The following LRP2 variants were observed in gnomAD, a reference collection of about 807,000 sequenced individuals.
LRP2 encodes the protein low-density lipoprotein receptor-related protein 2.
Under a neutral mutation model 531.0 loss-of-function variants are expected in LRP2, and 172 were observed. The observed-to-expected ratio is 0.32, with a 90% CI of 0.29 to 0.37. The LOEUF (loss-of-function observed/expected upper bound fraction) is 0.37, where lower values mean the gene tolerates loss of function less well. Among genes scored for constraint, LRP2 ranks in the 10% least tolerant of loss-of-function variants. LRP2 has a pLI of 1.00. For synonymous variants in LRP2, 1,992 were observed against 2,027.6 expected (o/e 0.98, Z 0.47); for missense variants, 5,167 against 5,868.3 (o/e 0.88, Z 3.90).
At chr2:169,257,343 G>A (rs972551806) in intron 17 of LRP2, 94 bp from the exon 18 acceptor site, 3 of 1,316,534 alleles carry the variant, frequency 2.3e-6, no homozygotes, top group Admixed American at 1.7e-5. Flanking sequence ...TCCAGATACT[G>A]CAATTAATTT....
At chr2:169,187,776 G>T (rs1413955239) in intron 49 of LRP2, among the ~76,000 whole-genome samples, 194 bp downstream of exon 49, 1 of 152,142 alleles carries the variant, frequency 6.6e-6, no homozygotes, top group African/African-American at 2.4e-5. Flanking sequence ...TCTAAGCAAA[G>T]AATTGGTCCA....
chr2:169,284,981 C>A (rs1035619794), intron 9 of LRP2, among the ~76,000 whole-genome samples: 2 of 152,088 alleles, frequency 1.3e-5, no homozygotes, highest in Non-Finnish European at 1.5e-5. Context: ...CACAAATGCC[C>A]TTCCTATCAC....
intron 62 of LRP2, among the ~76,000 whole-genome samples, chr2:169,164,871 A>G (rs936266370): frequency 6.6e-6 from 1 of 152,198 alleles, no homozygotes. Flanking sequence ...TTTTTAAAAA[A>G]TGGCATTTTT....
chr2:169,235,552 T>C (rs1689575785), intron 29 of LRP2, among the ~76,000 whole-genome samples: 2 of 152,158 alleles, frequency 1.3e-5, no homozygotes, highest in African/African-American at 4.8e-5. Context: ...TGACACAATT[T>C]TTAAAGGTAT....
chr2:169,193,938 TC>T, intron 46 of LRP2, 46 bp from the exon 47 acceptor site: 1 of 1,612,828 alleles, frequency 6.2e-7, no homozygotes, highest in Non-Finnish European at 8.5e-7. Flanking sequence ...TGGTTTACAG[TC>T]CAGGAATCTG....
intron 61 of LRP2, among the ~76,000 whole-genome samples, chr2:169,168,048 C>CATAT (rs1553488737): frequency 2.8e-5 from 1 of 35,610 alleles, no homozygotes; most frequent in African/African-American, 9.2e-5. Flanking sequence ...TATATATATG[C>CATAT]ATCATTCAGC....
rs1689673903 is a variant in LRP2 at position 169,238,171 on chromosome 2, T to C, written c.4426A>G (p.Ile1476Val). The C allele has an allele frequency of 1.2e-6, 2 of 1,614,042 alleles. No homozygotes were observed. The highest frequency in any genetic ancestry group is 8.5e-7 in the Non-Finnish European group (1 of 1,180,018). ...SYIVAVDFDS[I>V]SGRIFWSDAT... ...TCAGACCAAAAGATACGACCACTAA[T>C]TGAATCAAAATCAACAGCTACAATG... is the stretch of plus-strand genomic sequence containing the variant. Residue 1476 changes from isoleucine (I) to valine (V), a missense_variant, in exon 27 of 79, where the codon ATT becomes GTT. Physicochemically the swap from Ile to Val is conservative, Grantham distance 29 (BLOSUM62 3). This residue lies in a region of LRP2 where 2,811 missense variants were observed against 3,058.0 expected (regional missense o/e 0.92). Coordinates refer to ENST00000649046, the MANE Select transcript of LRP2 (RefSeq NM_004525.3).
chr2:169,238,033 C>A (rs1689668546), intron 27 of LRP2, 58 bp downstream of exon 27: 2 of 1,473,210 alleles, frequency 1.4e-6, no homozygotes, highest in African/African-American at 2.8e-5. Context: ...TGAATAACAG[C>A]AAACAGACCC....
intron 31 of LRP2, among the ~76,000 whole-genome samples, chr2:169,231,470 G>C (rs574163034): frequency 1.4e-4 from 21 of 152,194 alleles, no homozygotes; most frequent in African/African-American, 4.8e-4. Context: ...CCAGGTGAGA[G>C]AAAATATGAG....
chr2:169,133,512 G>A (rs780799777), intron 76 of LRP2, among the ~76,000 whole-genome samples: 25 of 152,108 alleles, frequency 1.6e-4, no homozygotes, highest in Non-Finnish European at 3.1e-4. Context: ...AAACATTTCC[G>A]ATCTTAAAAT....
chr2:169,312,778 G>T (rs1006151317), intron 3 of LRP2, among the ~76,000 whole-genome samples: 2 of 152,114 alleles, frequency 1.3e-5, no homozygotes, highest in Admixed American at 1.3e-4. Context: ...AGTTCTCCCG[G>T]ATAATATCCT....
intron 1 of LRP2, among the ~76,000 whole-genome samples, chr2:169,348,218 C>T (rs1685746971): frequency 6.6e-6 from 1 of 152,186 alleles, no homozygotes; most frequent in Admixed American, 6.5e-5. Context: ...TTTATTGTGG[C>T]TTATTTCCCA....
At chr2:169,362,115 C>G (rs762916034) in intron 1 of LRP2, among the ~76,000 whole-genome samples, 136 of 152,354 alleles carry the variant, frequency 8.9e-4, no homozygotes, top group Non-Finnish European at 9.4e-4. Context: ...CTCAAGTTTG[C>G]TGCCGCTCAG....
At chr2:169,282,681 G>T (rs542333319) in intron 10 of LRP2, among the ~76,000 whole-genome samples, 192 bp downstream of exon 10, 1 of 152,202 alleles carries the variant, frequency 6.6e-6, no homozygotes, top group South Asian at 2.1e-4. Context: ...TCGACAAATT[G>T]GTCCTTAATA....
intron 44 of LRP2, 62 bp from the exon 45 acceptor site, chr2:169,198,973 T>A: frequency 4.5e-6 from 7 of 1,553,234 alleles, no homozygotes. Context: ...TTATGAACAG[T>A]ATCCGTGCTA....
At chr2:169,179,269 A>G (rs1402603018) in intron 52 of LRP2, among the ~76,000 whole-genome samples, 2 of 152,120 alleles carry the variant, frequency 1.3e-5, no homozygotes, top group Non-Finnish European at 2.9e-5. Flanking sequence ...AGCCTCCCAA[A>G]GAGCTGGGAC....
At chr2:169,166,349 C>T (rs1204247154) in intron 61 of LRP2, among the ~76,000 whole-genome samples, 1 of 152,140 alleles carries the variant, frequency 6.6e-6, no homozygotes, top group African/African-American at 2.4e-5. Flanking sequence ...GAAACATCTA[C>T]TGGGGTGATC....
At chr2:169,340,719 G>C (rs1412456742) in intron 1 of LRP2, among the ~76,000 whole-genome samples, 11 of 152,154 alleles carry the variant, frequency 7.2e-5, no homozygotes, top group Non-Finnish European at 1.2e-4. Flanking sequence ...CACCAGACCA[G>C]CCTTCCACTG....
intron 1 of LRP2, among the ~76,000 whole-genome samples, chr2:169,326,893 C>T (rs1685080796): frequency 6.6e-6 from 1 of 151,630 alleles, no homozygotes; most frequent in Non-Finnish European, 1.5e-5. Context: ...TGAGGAGTGC[C>T]TCTGCCCGGC....
Sources: allele counts gnomAD v4.1 joint callset (sites outside exome capture counted in the v4.1 genomes callset), GRCh38; gene constraint gnomAD v4.1.1; regional missense constraint gnomAD v4.1.1; transcripts MANE v1.5; gene names NCBI Gene and HGNC (gene_info 2026-07-23, HGNC 2026-07-21).